UBE2E2: variants seen among roughly 807,000 people sequenced by gnomAD.
The protein encoded by UBE2E2 is ubiquitin conjugating enzyme E2 E2.
UBE2E2 carries 6 observed loss-of-function variants against 24.7 expected under a neutral mutation model. The ratio of observed to expected loss-of-function variants is 0.24; its 90% confidence interval spans 0.13 to 0.48. The LOEUF (loss-of-function observed/expected upper bound fraction) is 0.48. UBE2E2 is among the 20% of genes least tolerant of loss of function. The probability of loss-of-function intolerance (pLI) is 0.99; values close to 1 mark genes in which losing one functional copy is unlikely to be tolerated. For synonymous variants in UBE2E2, 104 were observed against 83.6 expected (o/e 1.24, Z -1.33); for missense variants, 169 against 245.0 (o/e 0.69, Z 2.07).
chr3:23,218,742 C>T (rs1696547971), intron 3 of UBE2E2, among the ~76,000 whole-genome samples: 1 of 151,918 alleles, frequency 6.6e-6, no homozygotes, highest in South Asian at 2.1e-4. Flanking sequence ...TAAATGAAAT[C>T]CACATACAGT....
intron 3 of UBE2E2, among the ~76,000 whole-genome samples, chr3:23,432,486 A>G (rs1698084116): frequency 6.6e-6 from 1 of 152,186 alleles, no homozygotes; most frequent in African/African-American, 2.4e-5. Flanking sequence ...TTTAATATTC[A>G]GAAGGCTTTT....
intron 3 of UBE2E2, among the ~76,000 whole-genome samples, chr3:23,237,453 G>C (rs1233701087): frequency 6.6e-6 from 1 of 152,122 alleles, no homozygotes; most frequent in Non-Finnish European, 1.5e-5. Context: ...TTGGTTGTCA[G>C]TATCTCTTAA....
chr3:23,516,010 T>A (rs924604224), intron 4 of UBE2E2, among the ~76,000 whole-genome samples: 3 of 152,106 alleles, frequency 2.0e-5, no homozygotes, highest in Non-Finnish European at 4.4e-5. Context: ...ACCAGATTAA[T>A]GTTTCTTAAG....
intron 1 of UBE2E2, among the ~76,000 whole-genome samples, chr3:23,203,968 T>C (rs1370034702): frequency 2.0e-5 from 3 of 152,066 alleles, no homozygotes; most frequent in Admixed American, 6.5e-5. Flanking sequence ...GAGAAGACCT[T>C]GTGGGGTATA....
intron 3 of UBE2E2, among the ~76,000 whole-genome samples, chr3:23,487,593 C>G (rs1575662026): frequency 6.6e-6 from 1 of 152,252 alleles, no homozygotes; most frequent in South Asian, 2.1e-4. Context: ...TTCTAGGCAC[C>G]TTACATATAT....
At chr3:23,382,643 C>A (rs1006243045) in intron 3 of UBE2E2, among the ~76,000 whole-genome samples, 1 of 152,126 alleles carries the variant, frequency 6.6e-6, no homozygotes, top group Non-Finnish European at 1.5e-5. Flanking sequence ...CTATTCCTAA[C>A]CAAATTAGAC....
intron 3 of UBE2E2, among the ~76,000 whole-genome samples, chr3:23,284,703 A>G (rs896426133): frequency 6.6e-6 from 1 of 151,790 alleles, no homozygotes; most frequent in Non-Finnish European, 1.5e-5. Context: ...GGTACATAGT[A>G]GGTGGTGATT....
intron 5 of UBE2E2, among the ~76,000 whole-genome samples, chr3:23,587,806 A>C (rs1013114231): frequency 6.6e-6 from 1 of 152,248 alleles, no homozygotes. Flanking sequence ...GAAATGGTAG[A>C]GTTTTCATTT....
intron 4 of UBE2E2, among the ~76,000 whole-genome samples, chr3:23,515,715 G>A (rs2125469894): frequency 6.6e-6 from 1 of 152,036 alleles, no homozygotes; most frequent in East Asian, 1.9e-4. Flanking sequence ...CCAGCACTTT[G>A]AGAGGCTGAG....
At chr3:23,431,331 C>T (rs139729265) in intron 3 of UBE2E2, among the ~76,000 whole-genome samples, 2 of 152,188 alleles carry the variant, frequency 1.3e-5, no homozygotes, top group East Asian at 3.9e-4. Context: ...GATTGAGGTC[C>T]ACTGGGGTCA....
intron 3 of UBE2E2, among the ~76,000 whole-genome samples, chr3:23,427,617 A>G (rs1164183577): frequency 6.6e-6 from 1 of 152,224 alleles, no homozygotes; most frequent in East Asian, 1.9e-4. Flanking sequence ...TTAAATGTCA[A>G]GAGATTGTCA....
chr3:23,500,067 G>A (rs1353648682), intron 4 of UBE2E2, among the ~76,000 whole-genome samples: 4 of 152,116 alleles, frequency 2.6e-5, no homozygotes, highest in Non-Finnish European at 5.9e-5. Flanking sequence ...GAGTACCAGA[G>A]CCCAGAAAAT....
chr3:23,205,902 A>G (rs1238444418), intron 1 of UBE2E2, among the ~76,000 whole-genome samples: 1 of 152,204 alleles, frequency 6.6e-6, no homozygotes, highest in Non-Finnish European at 1.5e-5. Flanking sequence ...TTATATAACT[A>G]TGGCATTCGA....
intron 3 of UBE2E2, among the ~76,000 whole-genome samples, chr3:23,368,593 G>A (rs1319375279): frequency 2.0e-5 from 3 of 152,126 alleles, no homozygotes; most frequent in East Asian, 1.9e-4. Context: ...ATAGCCCACA[G>A]TTGTAGGAAT....
chr3:23,490,494 ACAGTTATGTCT>A (rs1446412141), intron 3 of UBE2E2, among the ~76,000 whole-genome samples: 1 of 152,192 alleles, frequency 6.6e-6, no homozygotes, highest in Non-Finnish European at 1.5e-5. Flanking sequence ...ACTACTTTAT[ACAGTTATGTCT>A]CTTAAAATTT....
rs142924101 is a variant in UBE2E2 at position 23,549,329 on chromosome 3, A to G, written c.508+16628A>G. ...CATTTATGCCTGATTTCTCTAAGTC[A>G]TAGTGACATGCCCTTGCATGCATCT... On this transcript the variant is annotated intron_variant, in intron 5 of 5. Transcript: ENST00000396703. Among the ~76,000 whole-genome samples, 1,305 of 152,308 alleles carry G rather than the reference A, an allele frequency of 8.6e-3. 17 individuals carry two copies. The highest frequency in any genetic ancestry group is 0.029 in the African/African-American group (1,194 of 41,566).
At chr3:23,509,882 T>G (rs201801749) in intron 4 of UBE2E2, among the ~76,000 whole-genome samples, 1 of 152,026 alleles carries the variant, frequency 6.6e-6, no homozygotes, top group African/African-American at 2.4e-5. Context: ...CCAGCTTCAT[T>G]CATGTCCCTA....
intron 3 of UBE2E2, among the ~76,000 whole-genome samples, chr3:23,252,229 G>C (rs1697594070): frequency 6.6e-6 from 1 of 152,058 alleles, no homozygotes; most frequent in African/African-American, 2.4e-5. Flanking sequence ...ATGTACCAGG[G>C]TGTCATCACC....
At chr3:23,365,454 G>A (rs946899123) in intron 3 of UBE2E2, among the ~76,000 whole-genome samples, 1 of 152,170 alleles carries the variant, frequency 6.6e-6, no homozygotes, top group Non-Finnish European at 1.5e-5. Context: ...AAAACCAGTA[G>A]CATTTCTATA....
Sources: gnomAD v4.1 joint callset for allele counts (sites outside exome capture counted in the v4.1 genomes callset) on GRCh38, gnomAD v4.1.1 for gene constraint, MANE v1.5 for transcripts, NCBI Gene and HGNC (gene_info 2026-07-23, HGNC 2026-07-21) for gene names.